GRAP2: variants seen among roughly 807,000 people sequenced by gnomAD.
The protein encoded by GRAP2 is GRB2-related adapter protein 2.
GRAP2 carries 31 observed loss-of-function variants against 43.5 expected under a neutral mutation model. That is an observed-to-expected ratio of 0.71 (90% CI 0.54 to 0.96). GRAP2 has a LOEUF of 0.96. GRAP2 is among the 40% of genes least tolerant of loss of function. The probability of loss-of-function intolerance (pLI) is 0.00; values close to 1 mark genes in which losing one functional copy is unlikely to be tolerated. For synonymous variants in GRAP2, 156 were observed against 164.8 expected, an observed-to-expected ratio of 0.95 and a Z score of 0.41; for missense variants, 371 against 424.4, an observed-to-expected ratio of 0.87 and a Z score of 1.11.
chr22:39,927,178 G>T (rs568299155), intron 1 of GRAP2, among the ~76,000 whole-genome samples: 1 of 151,890 alleles, frequency 6.6e-6, no homozygotes, highest in Non-Finnish European at 1.5e-5. Context: ...CTGCCCCCCC[G>T]GCCATGCTAT....
At chr22:39,932,847 G>C (rs971193487) in intron 1 of GRAP2, among the ~76,000 whole-genome samples, 2 of 152,152 alleles carry the variant, frequency 1.3e-5, no homozygotes, top group Non-Finnish European at 2.9e-5. Flanking sequence ...TATGAGGCAG[G>C]CACTATTATC....
chr22:39,913,770 A>G (rs1277073312), intron 1 of GRAP2, among the ~76,000 whole-genome samples: 2 of 152,164 alleles, frequency 1.3e-5, no homozygotes, highest in Non-Finnish European at 2.9e-5. Flanking sequence ...TTTCAGAAAG[A>G]TTATCTACGC....
chr22:39,969,671 T>C (rs2145685041), intron 7 of GRAP2, 138 bp downstream of exon 7: 1 of 873,144 alleles, frequency 1.1e-6, no homozygotes. Flanking sequence ...CCCAACACTT[T>C]GGGAGGCCAA....
At position 39,937,456 on chromosome 22, in the gene GRAP2, T is replaced by A. The variant is rs191314882; in HGVS notation, c.-14-9637T>A. Among the ~76,000 whole-genome samples, 6 of 152,284 alleles carry A rather than the reference T, an allele frequency of 3.9e-5. No individual in the cohort carries two copies. In the East Asian group the frequency reaches 1.2e-3, roughly 29 times the overall value. ...ACTGCAGCTAGGACTCCACAGGCAA[T>A]AGGGAGAAGCTAGCGCCTGCCCAGG... On this transcript the variant is annotated intron_variant, in intron 1 of 7. Transcript: ENST00000344138.
chr22:39,896,291 A>G (rs1421073299), upstream of GRAP2, among the ~76,000 whole-genome samples: 1 of 152,212 alleles, frequency 6.6e-6, no homozygotes, highest in African/African-American at 2.4e-5. Context: ...CTCTCCTCAC[A>G]CATATACTTT....
intron 2 of GRAP2, chr22:39,948,032 C>A (rs2066941902): frequency 6.6e-6 from 1 of 152,196 alleles, no homozygotes; most frequent in African/African-American, 2.4e-5. Flanking sequence ...TGGTCCTCAG[C>A]AGTCCCAATG....
upstream of GRAP2, among the ~76,000 whole-genome samples, chr22:39,897,478 C>A (rs1236293573): frequency 1.3e-5 from 2 of 151,896 alleles, no homozygotes; most frequent in Admixed American, 6.6e-5. Flanking sequence ...CTGTTTTAAG[C>A]CACAACCATC....
chr22:39,895,822 G>A, the GRAP2 span, among the ~76,000 whole-genome samples: 3 of 152,220 alleles, frequency 2.0e-5, no homozygotes, highest in African/African-American at 7.2e-5. Flanking sequence ...GGCAAACAAT[G>A]TTACGGGAGT....
At chr22:39,970,014 G>T (rs1377779087) in intron 7 of GRAP2, among the ~76,000 whole-genome samples, 1 of 152,218 alleles carries the variant, frequency 6.6e-6, no homozygotes, top group East Asian at 1.9e-4. Context: ...CGTCCAGTCT[G>T]TTGATCTCAG....
chr22:39,956,317 C>G (rs977391994), intron 3 of GRAP2, among the ~76,000 whole-genome samples: 1 of 151,932 alleles, frequency 6.6e-6, no homozygotes, highest in Non-Finnish European at 1.5e-5. Context: ...GCCACCACGC[C>G]AGGCTAGTTT....
chr22:39,915,837 A>G (rs1344779534), intron 1 of GRAP2, among the ~76,000 whole-genome samples: 1 of 152,228 alleles, frequency 6.6e-6, no homozygotes, highest in Non-Finnish European at 1.5e-5. Flanking sequence ...GCTCAGTAGC[A>G]TCATTGGAAA....
In GRAP2 at chr22:39,954,646, T is replaced by C. The variant is rs113636026; in HGVS notation, c.79-1173T>C. ...CTGGCCTCAAGTGATCTATGTGCCTTGGCCTCTCAAAGTGCTGGGATTACA... is the reference window on the plus strand; with the variant it reads ...CTGGCCTCAAGTGATCTATGTGCCTCGGCCTCTCAAAGTGCTGGGATTACA... On this transcript the variant is annotated intron_variant, in intron 2 of 7. Coordinates refer to ENST00000344138, the MANE Select transcript of GRAP2 (RefSeq NM_004810.4). Among the ~76,000 whole-genome samples, 1,212 of 152,216 alleles carry C rather than the reference T, an allele frequency of 8.0e-3. 15 individuals are homozygous for C. The highest frequency in any genetic ancestry group is 0.027 in the African/African-American group (1,137 of 41,514).
Position 39,938,988 on chromosome 22 carries a change from TC to T in GRAP2, c.-14-8103del, listed in dbSNP as rs572587698. Among the ~76,000 whole-genome samples the T allele has an allele frequency of 3.3e-5, 5 of 152,188 alleles. No individual in the cohort carries two copies. The South Asian group carries it at 1.0e-3, about 32-fold the overall frequency. On this transcript the variant is annotated intron_variant, in intron 1 of 7. Coordinates refer to ENST00000344138, the MANE Select transcript of GRAP2 (RefSeq NM_004810.4). ...CCGCTCATACTGGGGGATTTATGCT[TC>T]CTGGGGCTAGGAGGAGAAAATAATG...
At position 39,927,225 on chromosome 22, in the gene GRAP2, A is replaced by G. The variant is rs1250477364; in HGVS notation, c.-14-19868A>G. Among the ~76,000 whole-genome samples the G allele has an allele frequency of 4.6e-5, 7 of 152,214 alleles. No homozygotes were observed. In the East Asian group the frequency reaches 1.2e-3, roughly 25 times the overall value. Reference sequence around the variant, plus strand: ...TTCTCTGTAGTGGAAAGTGATGGTGAGGCACAGTGCCCTGACTGGACCTCC... The same window carrying G: ...TTCTCTGTAGTGGAAAGTGATGGTGGGGCACAGTGCCCTGACTGGACCTCC... On this transcript the variant is annotated intron_variant, in intron 1 of 7. Coordinates refer to ENST00000344138, the MANE Select transcript of GRAP2 (RefSeq NM_004810.4).
chr22:39,940,521 G>A (rs1601715633), intron 1 of GRAP2, among the ~76,000 whole-genome samples: 1 of 151,928 alleles, frequency 6.6e-6, no homozygotes, highest in African/African-American at 2.4e-5. Context: ...TTCAAGAAGG[G>A]CCATCTGTAA....
rs187292611 is a variant in GRAP2 at position 39,945,307 on chromosome 22, A to G, written c.-14-1786A>G. Among the ~76,000 whole-genome samples, 242 of 152,332 alleles carry G rather than the reference A, an allele frequency of 1.6e-3. 2 individuals carry two copies. Among genetic ancestry groups the G allele is most frequent in the African/African-American group, 5.6e-3 (232 of 41,564 alleles). On this transcript the variant is annotated intron_variant, in intron 1 of 7. Transcript: ENST00000344138. ...TTTTTTGCTTAACATCTACCTTTGA[A>G]TGGGTAATAGTCATCTCTATAAATT...
intron 1 of GRAP2, among the ~76,000 whole-genome samples, chr22:39,908,522 C>T (rs1353992639): frequency 6.6e-6 from 1 of 152,182 alleles, no homozygotes; most frequent in African/African-American, 2.4e-5. Flanking sequence ...CCTTATCCTT[C>T]TAAAGAGGTT....
upstream of GRAP2, among the ~76,000 whole-genome samples, chr22:39,898,965 A>C (rs1265410481): frequency 1.3e-5 from 2 of 152,252 alleles, no homozygotes; most frequent in Admixed American, 6.5e-5. Context: ...TTCACATGTT[A>C]CTGTATCCTC....
At chr22:39,937,175 C>T (rs1026493207) in intron 1 of GRAP2, among the ~76,000 whole-genome samples, 3 of 152,150 alleles carry the variant, frequency 2.0e-5, no homozygotes, top group African/African-American at 7.2e-5. Context: ...GTTCTTGTCA[C>T]CTGATAGACC....
Sources: gnomAD v4.1 joint callset for allele counts (sites outside exome capture counted in the v4.1 genomes callset) on GRCh38, gnomAD v4.1.1 for gene constraint, MANE v1.5 for transcripts, NCBI Gene and HGNC (gene_info 2026-07-23, HGNC 2026-07-21) for gene names.